The following SEMA3E variants were observed in gnomAD, a reference collection of about 807,000 sequenced individuals.
SEMA3E encodes the protein semaphorin-3E.
Under a neutral mutation model 93.6 loss-of-function variants are expected in SEMA3E, and 49 were observed. The ratio of observed to expected loss-of-function variants is 0.52; its 90% confidence interval spans 0.42 to 0.66. SEMA3E has a LOEUF of 0.66. Among genes scored for constraint, SEMA3E ranks in the 30% least tolerant of loss-of-function variants. SEMA3E has a pLI of 0.00. For synonymous variants in SEMA3E, 363 were observed against 330.7 expected (o/e 1.10, Z -1.06); for missense variants, 906 against 964.8 (o/e 0.94, Z 0.81).
intron 1 of SEMA3E, among the ~76,000 whole-genome samples, chr7:83,546,556 C>T (rs1179198735): frequency 6.6e-6 from 1 of 151,930 alleles, no homozygotes; most frequent in African/African-American, 2.4e-5. Context: ...ACAAATCTTA[C>T]ATTCATTTGT....
intron 4 of SEMA3E, among the ~76,000 whole-genome samples, chr7:83,457,168 A>G (rs1789502031): frequency 6.6e-6 from 1 of 152,126 alleles, no homozygotes; most frequent in African/African-American, 2.4e-5. Flanking sequence ...GCACTTTTCA[A>G]GTTATTTTGG....
At chr7:83,458,080 T>C (rs901274409) in intron 4 of SEMA3E, among the ~76,000 whole-genome samples, 1 of 151,482 alleles carries the variant, frequency 6.6e-6, no homozygotes, top group Non-Finnish European at 1.5e-5. Flanking sequence ...ATATCTGATA[T>C]TTAGATAATT....
chr7:83,368,592 C>T (rs1794709025), intron 16 of SEMA3E, among the ~76,000 whole-genome samples: 1 of 152,136 alleles, frequency 6.6e-6, no homozygotes, highest in African/African-American at 2.4e-5. Flanking sequence ...GTTCAGTGAA[C>T]ATCCCTTACA....
intron 1 of SEMA3E, among the ~76,000 whole-genome samples, chr7:83,586,572 A>G (rs1792632082): frequency 6.6e-6 from 1 of 151,930 alleles, no homozygotes; most frequent in South Asian, 2.1e-4. Context: ...TTAATATAAT[A>G]TGTTAGGTTT....
At chr7:83,453,474 A>G (rs914817080) in intron 4 of SEMA3E, among the ~76,000 whole-genome samples, 2 of 151,936 alleles carry the variant, frequency 1.3e-5, no homozygotes, top group Non-Finnish European at 2.9e-5. Flanking sequence ...TATGGCCCGT[A>G]ATCTCCATTA....
At chr7:83,383,366 G>T (rs1278650664) in intron 16 of SEMA3E, among the ~76,000 whole-genome samples, 1 of 151,714 alleles carries the variant, frequency 6.6e-6, no homozygotes, top group Non-Finnish European at 1.5e-5. Context: ...CATATAAATG[G>T]CAATAGTGGA....
At chr7:83,390,740 A>T (rs1271386873) in intron 14 of SEMA3E, among the ~76,000 whole-genome samples, 1 of 152,164 alleles carries the variant, frequency 6.6e-6, no homozygotes, top group Non-Finnish European at 1.5e-5. Context: ...ATGTCACTGA[A>T]CTGAACTAAT....
At chr7:83,615,495 A>G (rs770229780) in intron 1 of SEMA3E, among the ~76,000 whole-genome samples, 1 of 152,270 alleles carries the variant, frequency 6.6e-6, no homozygotes. Flanking sequence ...GTGATCAACC[A>G]TAGGTGAGTA....
At chr7:83,521,563 T>C (rs529263330) in intron 1 of SEMA3E, among the ~76,000 whole-genome samples, 1 of 152,262 alleles carries the variant, frequency 6.6e-6, no homozygotes, top group African/African-American at 2.4e-5. Flanking sequence ...TATAACAAAA[T>C]ACCATAAACT....
intron 4 of SEMA3E, among the ~76,000 whole-genome samples, chr7:83,431,140 T>C (rs1346961267): frequency 6.6e-6 from 1 of 150,798 alleles, no homozygotes; most frequent in Non-Finnish European, 1.5e-5. Flanking sequence ...TATTAATATA[T>C]AATATAGTAG....
intron 1 of SEMA3E, among the ~76,000 whole-genome samples, chr7:83,632,351 A>T (rs1004411142): frequency 2.6e-5 from 4 of 152,170 alleles, no homozygotes; most frequent in African/African-American, 9.7e-5. Context: ...TAACTATCTG[A>T]TATGGCTTTG....
intron 4 of SEMA3E, among the ~76,000 whole-genome samples, chr7:83,461,472 C>T (rs1789615436): frequency 1.3e-5 from 2 of 152,192 alleles, no homozygotes; most frequent in Non-Finnish European, 2.9e-5. Context: ...GACTATCCCT[C>T]CCCATCCTGC....
chr7:83,439,303 A>G (rs1789063896), intron 4 of SEMA3E, among the ~76,000 whole-genome samples: 1 of 152,228 alleles, frequency 6.6e-6, no homozygotes, highest in African/African-American at 2.4e-5. Context: ...TCTGCACAGT[A>G]AGAACTGGAC....
At chr7:83,439,750 C>A (rs1414308389) in intron 4 of SEMA3E, among the ~76,000 whole-genome samples, 1 of 152,108 alleles carries the variant, frequency 6.6e-6, no homozygotes, top group African/African-American at 2.4e-5. Flanking sequence ...TATCAAGACA[C>A]AAAAATTAGC....
chr7:83,507,957 A>C (rs936727455), intron 1 of SEMA3E, among the ~76,000 whole-genome samples: 2 of 152,064 alleles, frequency 1.3e-5, no homozygotes, highest in African/African-American at 4.8e-5. Context: ...CTCACAAAAA[A>C]CAAAAAACTG....
At chr7:83,481,132 C>CT (rs994945484) in intron 2 of SEMA3E, among the ~76,000 whole-genome samples, 4 of 151,828 alleles carry the variant, frequency 2.6e-5, no homozygotes, top group African/African-American at 7.3e-5. Context: ...CTTATAAACA[C>CT]TTTTTTTTAA....
rs1351294945 is a variant in SEMA3E at position 83,373,145 on chromosome 7, AG to A, written c.1876-5108del. ...TGATTCAGTATGTTTTATAATTTCT[AG>A]TAAAAAAAAAAGTAATTGAACAAAG... On this transcript the variant is annotated intron_variant, in intron 16 of 16. Transcript: ENST00000643230. 4.7e-5 allele frequency: 7 copies of A among 148,964 alleles called. No individual in the cohort carries two copies. In the East Asian group the frequency reaches 1.4e-3, roughly 30 times the overall value. The allele number at this position is 148,964 out of a possible 1,614,324, so 9.2% of individuals were successfully genotyped here. A position where few individuals can be genotyped will look rare whatever the true frequency, so the allele number is the denominator to read the frequency against.
intron 4 of SEMA3E, among the ~76,000 whole-genome samples, chr7:83,454,257 C>CA (rs1157801830): frequency 0.32 from 13,997 of 43,512 alleles, 2,269 homozygotes; most frequent in East Asian, 0.57. Context: ...GACTCCGACT[C>CA]AAAAAAAAAA....
intron 4 of SEMA3E, among the ~76,000 whole-genome samples, chr7:83,434,808 G>A (rs1277598854): frequency 6.7e-6 from 1 of 148,810 alleles, no homozygotes; most frequent in Non-Finnish European, 1.5e-5. Flanking sequence ...CCGCCTCCCG[G>A]GTTCACGCCA....
Sources: allele counts gnomAD v4.1 joint callset (sites outside exome capture counted in the v4.1 genomes callset), GRCh38; gene constraint gnomAD v4.1.1; transcripts MANE v1.5; gene names NCBI Gene and HGNC (gene_info 2026-07-23, HGNC 2026-07-21).